The following SKA3 variants were observed in gnomAD, a reference collection of about 807,000 sequenced individuals.
SKA3 encodes spindle and kinetochore-associated protein 3.
A neutral mutation model predicts 44.2 loss-of-function variants in SKA3; 39 were observed. The ratio of observed to expected loss-of-function variants is 0.88; its 90% CI spans 0.68 to 1.15. SKA3 has a LOEUF of 1.15. Among genes scored for constraint, SKA3 ranks in the 50% most tolerant of loss-of-function variants. The probability of loss-of-function intolerance (pLI) is 0.00; values close to 1 mark genes in which losing one functional copy is unlikely to be tolerated. For missense variants in SKA3, 511 were observed against 485.8 expected, an observed-to-expected ratio of 1.05 and a Z score of -0.49; for synonymous variants, 192 against 172.0, an observed-to-expected ratio of 1.12 and a Z score of -0.91.
chr13:21,172,909 G>A (rs1451955542), intron 1 of SKA3, among the ~76,000 whole-genome samples: 5 of 151,978 alleles, frequency 3.3e-5, no homozygotes, highest in South Asian at 2.1e-4. Context: ...CAATGCAGTC[G>A]CATGCTATAC....
At chr13:21,169,382 G>A (rs1404161785) in intron 3 of SKA3, among the ~76,000 whole-genome samples, 1 of 151,910 alleles carries the variant, frequency 6.6e-6, no homozygotes, top group Admixed American at 6.6e-5. Flanking sequence ...TGTATTTTTG[G>A]TAGAGACAGG....
chr13:21,165,493 A>G (rs1474319985), intron 4 of SKA3, among the ~76,000 whole-genome samples: 1 of 152,152 alleles, frequency 6.6e-6, no homozygotes, highest in Non-Finnish European at 1.5e-5. Context: ...TATAAAATAT[A>G]TATCTTCTTT....
chr13:21,158,213 G>C (rs576166645), intron 6 of SKA3, 88 bp from the exon 7 acceptor site: 1 of 721,728 alleles, frequency 1.4e-6, no homozygotes, highest in South Asian at 2.5e-5. Flanking sequence ...CTTCTATTGG[G>C]GTCTCTAATA....
rs774230070 is a variant in SKA3, at chr13:21,155,850, A to G, written c.1120-39T>C. 8 of 853,118 alleles carry G rather than the reference A, an allele frequency of 9.4e-6. No homozygotes were observed. The African/African-American group carries it at 1.2e-4, about 12-fold the overall frequency. The allele number at this position is 853,118 out of a possible 1,614,324, so 52.8% of individuals were successfully genotyped here. ...AGGAAATTCCTTTTTATCGAGCCAT[A>G]TGAATAATATAACCTAAATTTGGAA... On this transcript the variant is annotated intron_variant, in intron 7 of 8. Transcript: ENST00000314759.
chr13:21,167,683 C>T (rs568241980), intron 4 of SKA3, among the ~76,000 whole-genome samples: 2 of 150,864 alleles, frequency 1.3e-5, no homozygotes, highest in South Asian at 2.1e-4. Context: ...AGGAGAATGG[C>T]GTGAACCCAG....
chr13:21,164,557 T>A (rs1044992944), intron 4 of SKA3, among the ~76,000 whole-genome samples: 1 of 152,244 alleles, frequency 6.6e-6, no homozygotes. Context: ...AAAACAAATA[T>A]GCTTTGTACT....
Position 21,168,215 on chromosome 13 carries a change from T to C in SKA3, c.516A>G (p.Leu172=). 6.2e-7 allele frequency: 1 copy of C among 1,614,210 alleles called. No individual in the cohort carries two copies. The highest frequency in any genetic ancestry group is 8.5e-7 in the Non-Finnish European group (1 of 1,180,034). ...TGTTCACTGCCTGTGGAGGGTTTGG[T>C]AGAACTTGGGATACGATGTACCGCT... ...GLERYIVSQV[L]PNPPQAVNNY... Residue 172 remains leucine (L), a synonymous_variant, in exon 4 of 9, where the codon CTA becomes CTG. Coordinates refer to ENST00000314759, the MANE Select transcript of SKA3 (RefSeq NM_145061.6).
At chr13:21,158,945 G>A (rs1870285275) in intron 6 of SKA3, among the ~76,000 whole-genome samples, 1 of 152,136 alleles carries the variant, frequency 6.6e-6, no homozygotes, top group Non-Finnish European at 1.5e-5. Context: ...AGGAGTAGAT[G>A]AATTGTAAAT....
chr13:21,166,645 A>G (rs1392543873), intron 4 of SKA3, among the ~76,000 whole-genome samples: 1 of 152,200 alleles, frequency 6.6e-6, no homozygotes, highest in Non-Finnish European at 1.5e-5. Flanking sequence ...GAGGCACGAG[A>G]ATCACTTGAA....
chr13:21,158,980 C>T (rs1179707497), intron 6 of SKA3, among the ~76,000 whole-genome samples: 1 of 152,158 alleles, frequency 6.6e-6, no homozygotes, highest in Non-Finnish European at 1.5e-5. Flanking sequence ...GGCAGATAAC[C>T]TGATACTTCA....
At chr13:21,161,987 T>C in intron 4 of SKA3, 112 bp from the exon 5 acceptor site, 1 of 655,546 alleles carries the variant, frequency 1.5e-6, no homozygotes, top group South Asian at 2.6e-5. Flanking sequence ...AGTTATGCTT[T>C]ATGGTACAGA....
chr13:21,176,366 C>T lies in SKA3; in HGVS notation c.103+9G>A, dbSNP rs755909123. On this transcript the variant is annotated intron_variant, in intron 1 of 8. Coordinates refer to ENST00000314759, the MANE Select transcript of SKA3 (RefSeq NM_145061.6). ...CACGCACCGTGCCCTGGCCGCCCGCCTCACGCACCGCTTTCCTCTCCGTCC... is the reference window on the plus strand; with the variant it reads ...CACGCACCGTGCCCTGGCCGCCCGCTTCACGCACCGCTTTCCTCTCCGTCC... 1.7e-6 allele frequency: 2 copies of T among 1,187,200 alleles called. No homozygotes were observed. Among genetic ancestry groups the T allele is most frequent in the South Asian group, 1.8e-5 (1 of 54,110 alleles). The allele number at this position is 1,187,200 out of a possible 1,614,324, so 73.5% of individuals were successfully genotyped here. A position where few individuals can be genotyped will look rare whatever the true frequency, so the allele number is the denominator to read the frequency against.
intron 1 of SKA3, among the ~76,000 whole-genome samples, chr13:21,175,372 G>T (rs983656747): frequency 6.6e-6 from 1 of 151,374 alleles, no homozygotes; most frequent in African/African-American, 2.5e-5. Flanking sequence ...CGCCTCCCGG[G>T]TTCACGCCAT....
At position 21,168,043 on chromosome 13, in the gene SKA3, T is replaced by G; in HGVS notation, c.688A>C (p.Met230Leu). The G allele has an allele frequency of 1.2e-6, 2 of 1,610,570 alleles. No homozygotes were observed. Among genetic ancestry groups the G allele is most frequent in the East Asian group, 4.5e-5 (2 of 44,852 alleles). ...ATTGTGTAATCTTCATTTAAACACA[T>G]AGTATATTCAGAGATACCAAAGTGT... ...LEHFGISEYT[M>L]CLNEDYTMGL... Residue 230 changes from methionine (M) to leucine (L), a missense_variant, in exon 4 of 9, where the codon ATG becomes CTG. Physicochemically the swap from Met to Leu is conservative, Grantham distance 15. Coordinates refer to ENST00000314759, the MANE Select transcript of SKA3 (RefSeq NM_145061.6).
chr13:21,176,397 T>C lies in SKA3; in HGVS notation c.81A>G (p.Arg27=), dbSNP rs1256698395. The C allele has an allele frequency of 6.3e-7, 1 of 1,578,014 alleles. No homozygotes were observed. Among genetic ancestry groups the C allele is most frequent in the Admixed American group, 1.8e-5 (1 of 54,634 alleles). The change falls in exon 1 of 9, where the codon CGA becomes CGG. Residue 27 remains arginine (R), a synonymous_variant. Transcript: ENST00000314759. ...TLDCETARLQ[R]ALDGEESDFE... ...CACCGCTTTCCTCTCCGTCCAGCGCTCGCTGCAGCCGGGCCGTCTCGCAGT... is the reference window on the plus strand; with the variant it reads ...CACCGCTTTCCTCTCCGTCCAGCGCCCGCTGCAGCCGGGCCGTCTCGCAGT...
chr13:21,156,991 C>T (rs1870152049), intron 7 of SKA3, among the ~76,000 whole-genome samples: 1 of 6,614 alleles, frequency 1.5e-4, no homozygotes, highest in African/African-American at 3.0e-4. Flanking sequence ...ACCCGGGAAG[C>T]GGAGCTTGCA....
At chr13:21,158,599 T>A (rs1870264043) in intron 6 of SKA3, among the ~76,000 whole-genome samples, 1 of 151,978 alleles carries the variant, frequency 6.6e-6, no homozygotes, top group Non-Finnish European at 1.5e-5. Flanking sequence ...CCAGCCTGGG[T>A]GACAGAGTGA....
intron 5 of SKA3, among the ~76,000 whole-genome samples, chr13:21,160,837 A>G (rs1186370780): frequency 6.6e-6 from 1 of 152,230 alleles, no homozygotes; most frequent in African/African-American, 2.4e-5. Flanking sequence ...TGGCTCATAT[A>G]TACAGTAGAA....
intron 3 of SKA3, 165 bp downstream of exon 3, chr13:21,172,174 C>T: frequency 2.1e-6 from 1 of 476,408 alleles, no homozygotes; most frequent in Non-Finnish European, 3.7e-6. Flanking sequence ...ATTAGCACTC[C>T]AAAAGCACAC....
Sources: allele counts gnomAD v4.1 joint callset (sites outside exome capture counted in the v4.1 genomes callset), GRCh38; gene constraint gnomAD v4.1.1; transcripts MANE v1.5; gene names NCBI Gene and HGNC (gene_info 2026-07-23, HGNC 2026-07-21).